The following EYA2 variants were observed in gnomAD, a reference collection of about 807,000 sequenced individuals.
EYA2 encodes the protein EYA transcriptional coactivator and phosphatase 2.
In EYA2, 31 loss-of-function variants were observed where a neutral mutation model predicts 69.2. That is an observed-to-expected ratio of 0.45 (90% CI 0.34 to 0.60). EYA2 has a LOEUF of 0.60. Among genes scored for constraint, EYA2 ranks in the 20% least tolerant of loss-of-function variants. EYA2 has a pLI of 0.02. For missense variants in EYA2, 622 were observed against 701.2 expected, an observed-to-expected ratio of 0.89 and a Z score of 1.28; for synonymous variants, 257 against 279.4, an observed-to-expected ratio of 0.92 and a Z score of 0.80.
Position 47,180,875 on chromosome 20 carries a change from C to A in EYA2, c.1374C>A (p.Val458=). Residue 458 remains valine (V), a synonymous_variant, in exon 14 of 16, where the codon GTC becomes GTA. Coordinates refer to ENST00000327619, the MANE Select transcript of EYA2 (RefSeq NM_005244.5). ...AACTAATTCCTGCCCTGGCCAAAGTCCTGCTATATGGCCTGGGGTCTGTGT... is the reference window on the plus strand; with the variant it reads ...AACTAATTCCTGCCCTGGCCAAAGTACTGCTATATGGCCTGGGGTCTGTGT... ...TTQLIPALAK[V]LLYGLGSVFP... is the part of the protein sequence containing the mutation. 6.2e-7 allele frequency: 1 copy of A among 1,614,218 alleles called. No homozygotes were observed. The highest frequency in any genetic ancestry group is 8.5e-7 in the Non-Finnish European group (1 of 1,180,040).
At chr20:47,133,681 TCCAGGAAAGA>T (rs1465874030) in intron 9 of EYA2, among the ~76,000 whole-genome samples, 1 of 152,022 alleles carries the variant, frequency 6.6e-6, no homozygotes, top group Non-Finnish European at 1.5e-5. Context: ...TGGGGTGAAA[TCCAGGAAAGA>T]CCAGGCACAA....
chr20:47,045,386 A>G (rs1042884757), intron 5 of EYA2, among the ~76,000 whole-genome samples: 4 of 152,218 alleles, frequency 2.6e-5, no homozygotes, highest in Admixed American at 2.6e-4. Flanking sequence ...CGGACTCAGA[A>G]GTCCCAGAAC....
chr20:46,909,775 G>A (rs1984556129), intron 1 of EYA2, among the ~76,000 whole-genome samples: 1 of 152,108 alleles, frequency 6.6e-6, no homozygotes, highest in South Asian at 2.1e-4. Context: ...GGGTGGACTG[G>A]TTCCTTATAT....
intron 2 of EYA2, among the ~76,000 whole-genome samples, chr20:47,000,606 G>C (rs1473487881): frequency 6.6e-6 from 1 of 152,222 alleles, no homozygotes; most frequent in African/African-American, 2.4e-5. Flanking sequence ...GAGCACAAAA[G>C]TACTTCCCAG....
chr20:46,955,214 G>T (rs942629465), intron 1 of EYA2, among the ~76,000 whole-genome samples: 1 of 148,222 alleles, frequency 6.7e-6, no homozygotes, highest in Admixed American at 6.8e-5. Flanking sequence ...TCGGCTCACC[G>T]CAGCCTCCGC....
At chr20:47,161,558 C>T (rs2034066450) in intron 10 of EYA2, 1 of 362,162 alleles carries the variant, frequency 2.8e-6, no homozygotes, top group Non-Finnish European at 5.3e-6. Flanking sequence ...ACTCCTTGTC[C>T]TTGGTCTTGC....
intron 5 of EYA2, among the ~76,000 whole-genome samples, chr20:47,024,158 A>G (rs1983943281): frequency 6.6e-6 from 1 of 152,206 alleles, no homozygotes; most frequent in South Asian, 2.1e-4. Flanking sequence ...GATGCCAAAC[A>G]TAAATTTTAC....
At chr20:47,172,897 G>C in intron 12 of EYA2, 30 bp downstream of exon 12, 1 of 1,583,732 alleles carries the variant, frequency 6.3e-7, no homozygotes, top group Non-Finnish European at 8.6e-7. Flanking sequence ...GGCCTCCGAG[G>C]AAGGGAAACT....
intron 9 of EYA2, among the ~76,000 whole-genome samples, chr20:47,132,894 C>T (rs947890205): frequency 5.3e-5 from 8 of 152,280 alleles, no homozygotes; most frequent in Admixed American, 3.9e-4. Flanking sequence ...GACAGTCTTT[C>T]CAAAGTGCTT....
intron 9 of EYA2, among the ~76,000 whole-genome samples, chr20:47,108,307 C>G (rs1252467154): frequency 6.6e-6 from 1 of 152,030 alleles, no homozygotes; most frequent in Admixed American, 6.6e-5. Context: ...TTGAAAAGAG[C>G]CTGGCAGCTC....
chr20:47,156,780 C>T (rs1431297946), intron 10 of EYA2, among the ~76,000 whole-genome samples: 1 of 151,964 alleles, frequency 6.6e-6, no homozygotes, highest in East Asian at 2.0e-4. Flanking sequence ...TCTGGCTAGT[C>T]TGGAGGCAGC....
intron 5 of EYA2, among the ~76,000 whole-genome samples, chr20:47,024,671 C>T (rs144422639): frequency 2.0e-4 from 30 of 152,348 alleles, no homozygotes; most frequent in Middle Eastern, 3.4e-3. Context: ...AGACCACGGG[C>T]CTCCACCTGG....
intron 1 of EYA2, among the ~76,000 whole-genome samples, chr20:46,922,653 T>C (rs1985230359): frequency 6.6e-6 from 1 of 152,016 alleles, no homozygotes; most frequent in African/African-American, 2.4e-5. Flanking sequence ...CCAGCTAGAA[T>C]TGTGGGGGAG....
intron 1 of EYA2, among the ~76,000 whole-genome samples, chr20:46,981,487 C>A (rs1238762020): frequency 6.6e-6 from 1 of 152,132 alleles, no homozygotes; most frequent in East Asian, 1.9e-4. Flanking sequence ...TTTATTAGTG[C>A]TGTTCATTTA....
chr20:47,089,101 TC>T, intron 7 of EYA2, 137 bp from the exon 8 acceptor site: 1 of 972,036 alleles, frequency 1.0e-6, no homozygotes, highest in East Asian at 2.5e-5. Flanking sequence ...AGGGCAGTTT[TC>T]ATCCTACGAG....
chr20:46,905,486 T>C (rs932698611), intron 1 of EYA2, among the ~76,000 whole-genome samples: 3 of 152,208 alleles, frequency 2.0e-5, no homozygotes, highest in Non-Finnish European at 4.4e-5. Context: ...CCACATTCCA[T>C]TGAGAACCAG....
intron 5 of EYA2, among the ~76,000 whole-genome samples, chr20:47,020,409 A>C (rs955074386): frequency 6.6e-6 from 1 of 152,182 alleles, no homozygotes; most frequent in Non-Finnish European, 1.5e-5. Flanking sequence ...ATATACAATA[A>C]ATGTAAAAGA....
intron 1 of EYA2, among the ~76,000 whole-genome samples, chr20:46,962,366 A>G (rs1979527795): frequency 6.6e-6 from 1 of 152,178 alleles, no homozygotes; most frequent in Non-Finnish European, 1.5e-5. Context: ...AGAAATGATA[A>G]ATGTTTGAGG....
chr20:47,176,360 A>G (rs1679731134), intron 12 of EYA2, among the ~76,000 whole-genome samples: 9 of 151,250 alleles, frequency 6.0e-5, no homozygotes. Context: ...GATTACAGGT[A>G]TGAGCCACCA....
Sources: gnomAD v4.1 joint callset for allele counts (sites outside exome capture counted in the v4.1 genomes callset) on GRCh38, gnomAD v4.1.1 for gene constraint, MANE v1.5 for transcripts, NCBI Gene and HGNC (gene_info 2026-07-23, HGNC 2026-07-21) for gene names.